Variants in RSAD1 observed in about 807,000 individuals in gnomAD.
The protein encoded by RSAD1 is radical S-adenosyl methionine domain containing 1, also known as radical S-adenosyl methionine domain-containing protein 1, mitochondrial.
A neutral mutation model predicts 46.2 loss-of-function variants in RSAD1; 34 were observed. That is an observed-to-expected ratio of 0.74 (90% CI 0.56 to 0.98). The LOEUF is 0.98. Among genes scored for constraint, RSAD1 ranks in the 50% least tolerant of loss-of-function variants. RSAD1 has a pLI of 0.00. For synonymous variants in RSAD1, 260 were observed against 253.5 expected, an observed-to-expected ratio of 1.03 and a Z score of -0.24; for missense variants, 635 against 592.3, an observed-to-expected ratio of 1.07 and a Z score of -0.75.
Position 50,482,686 on chromosome 17 carries a change from A to G in RSAD1, c.884A>G (p.Gln295Arg). Reference sequence around the variant, plus strand: ...AATTGGACTTACTGGCAGTGTGGTCAGTACCTTGGCGTTGGGCCTGGTGAG... The same window carrying G: ...AATTGGACTTACTGGCAGTGTGGTCGGTACCTTGGCGTTGGGCCTGGTGAG... ...THNWTYWQCG[Q>R]YLGVGPGAHG... The change falls in exon 5 of 9, where the codon CAG (glutamine) becomes CGG (arginine). Residue 295 changes from glutamine (Q) to arginine (R), a missense_variant. Physicochemically the swap from Gln to Arg is conservative, Grantham distance 43. Transcript: ENST00000258955. 1.9e-6 allele frequency: 3 copies of G among 1,614,228 alleles called. No individual in the cohort carries two copies. The highest frequency in any genetic ancestry group is 1.7e-6 in the Non-Finnish European group (2 of 1,180,028).
intron 6 of RSAD1, 77 bp downstream of exon 6, chr17:50,483,564 T>G (rs111642445): frequency 2.5e-6 from 4 of 1,590,530 alleles, no homozygotes; most frequent in Admixed American, 3.6e-5. Flanking sequence ...TATCTTTTAT[T>G]TCCTGTCTTG....
chr17:50,483,781 C>T (rs2033415926), intron 7 of RSAD1, 21 bp downstream of exon 7: 1 of 1,599,910 alleles, frequency 6.3e-7, no homozygotes, highest in African/African-American at 1.4e-5. Context: ...AGGATTCTTG[C>T]ACACCACTCC....
chr17:50,479,261 C>A, intron 1 of RSAD1: 1 of 497,292 alleles, frequency 2.0e-6, no homozygotes. Context: ...AATTTCATAA[C>A]AATTTTCCTC....
intron 5 of RSAD1, 151 bp from the exon 6 acceptor site, chr17:50,483,189 A>AAGAAAGAAAG: frequency 1.5e-5 from 4 of 264,316 alleles, no homozygotes; most frequent in Non-Finnish European, 1.1e-5. Flanking sequence ...AAAAAAAAAA[A>AAGAAAGAAAG]AAAGAAAGAA....
Position 50,482,086 on chromosome 17 carries a change from C to G in RSAD1, c.475-5C>G. 1 of 1,535,634 alleles carries G rather than the reference C, an allele frequency of 6.5e-7. No individual in the cohort carries two copies. Among genetic ancestry groups the G allele is most frequent in the Non-Finnish European group, 8.8e-7 (1 of 1,139,512 alleles). On this transcript the variant is annotated splice_region_variant and splice_polypyrimidine_tract_variant and intron_variant, in intron 3 of 8. Coordinates refer to ENST00000258955, the MANE Select transcript of RSAD1 (RefSeq NM_018346.3). ...GGTATGCTTACACCCACCCTCTTTT[C>G]CCAGTCCCTAGATGACACTGAGCTC...
Position 50,478,982 on chromosome 17 carries a change from C to G in RSAD1, c.98C>G (p.Pro33Arg). The change falls in exon 1 of 9, where the codon CCT becomes CGT. Residue 33 changes from proline to arginine, a missense_variant. Coordinates refer to ENST00000258955, the MANE Select transcript of RSAD1 (RefSeq NM_018346.3). The stretch of plus-strand genomic sequence containing the variant: ...GAGAACGCAGGAGGGTCCCCGAGTC[C>G]TGAGCCTGCGGGCCGGCGCGCGGCG... ...RVENAGGSPSPEPAGRRAALY... is the reference protein window; with the variant it reads ...RVENAGGSPSREPAGRRAALY... 1 of 1,393,998 alleles carries G rather than the reference C, an allele frequency of 7.2e-7. No homozygotes were observed. The highest frequency in any genetic ancestry group is 9.3e-7 in the Non-Finnish European group (1 of 1,079,924). The allele number at this position is 1,393,998 out of a possible 1,614,324, so 86.4% of individuals were successfully genotyped here.
At chr17:50,479,073 A>C in intron 1 of RSAD1, 54 bp downstream of exon 1, 1 of 1,288,228 alleles carries the variant, frequency 7.8e-7, no homozygotes, top group Non-Finnish European at 9.8e-7. Flanking sequence ...CCTGGCCGTG[A>C]CCGTGGCCGT....
At position 50,479,760 on chromosome 17, in the gene RSAD1, A is replaced by G. The variant is rs758011070; in HGVS notation, c.267A>G (p.Gln89=). ...AQTLLRLSGV[Q]RVESVFFGGG... ...CGCTGCTGCGGCTCAGCGGGGTGCA[A>G]CGGTGGGTAGTGGGGGCTGTAGGCA... Residue 89 remains glutamine (Q), a splice_region_variant and synonymous_variant, in exon 2 of 9, where the codon CAA becomes CAG. Coordinates refer to ENST00000258955, the MANE Select transcript of RSAD1 (RefSeq NM_018346.3). The G allele has an allele frequency of 5.6e-6, 9 of 1,608,182 alleles. No individual in the cohort carries two copies. In the East Asian group the frequency reaches 1.6e-4, roughly 28 times the overall value.
At position 50,482,710 on chromosome 17, in the gene RSAD1, A is replaced by T; in HGVS notation, c.904+4A>T. 7 of 1,613,530 alleles carry T rather than the reference A, an allele frequency of 4.3e-6. No individual in the cohort carries two copies. The highest frequency in any genetic ancestry group is 5.9e-6 in the Non-Finnish European group (7 of 1,179,658). ...CAGTACCTTGGCGTTGGGCCTGGTG[A>T]GTCCCGTGAACTACAGAAAGGGTGA... is the stretch of plus-strand genomic sequence containing the variant. On this transcript the variant is annotated splice_donor_region_variant and intron_variant, in intron 5 of 8. Transcript: ENST00000258955.
Position 50,480,086 on chromosome 17 carries a change from T to C in RSAD1, c.474+2T>C, listed in dbSNP as rs766461437. 3.8e-5 allele frequency: 61 copies of C among 1,613,700 alleles called. No individual in the cohort carries two copies. The highest frequency in any genetic ancestry group is 1.8e-4 in the Admixed American group (11 of 60,006). On this transcript the variant is annotated splice_donor_variant, in intron 3 of 8. Transcript: ENST00000258955. LOFTEE classifies it high-confidence loss of function. ...AACAGGTTGTCTATAGGCCTCCAGGTAACCCATGGCACTCACCCCATCCCA... is the reference window on the plus strand; with the variant it reads ...AACAGGTTGTCTATAGGCCTCCAGGCAACCCATGGCACTCACCCCATCCCA...
rs766183805 is a variant in RSAD1, at chr17:50,479,762, G to A, written c.269G>A (p.Arg90Gln). ...QTLLRLSGVQ[R>Q]VESVFFGGGT... ...CTGCTGCGGCTCAGCGGGGTGCAAC[G>A]GTGGGTAGTGGGGGCTGTAGGCAGC... The change falls in exon 2 of 9, where the codon CGG becomes CAG. Residue 90 changes from arginine (R) to glutamine (Q), a missense_variant and splice_region_variant. By Grantham distance (43) the Arg-to-Gln change is conservative. Coordinates refer to ENST00000258955, the MANE Select transcript of RSAD1 (RefSeq NM_018346.3). 39 of 1,607,064 alleles carry A rather than the reference G, an allele frequency of 2.4e-5. No homozygotes were observed. In the South Asian group the frequency reaches 4.1e-4, roughly 17 times the overall value.
intron 7 of RSAD1, 183 bp from the exon 8 acceptor site, chr17:50,484,259 G>A (rs779218077): frequency 3.5e-6 from 2 of 579,702 alleles, no homozygotes; most frequent in Non-Finnish European, 6.1e-6. Context: ...TCCAGTCTCA[G>A]TGGAATAGGA....
chr17:50,484,054 A>G (rs983059680), intron 7 of RSAD1: 18 of 488,070 alleles, frequency 3.7e-5, no homozygotes, highest in African/African-American at 3.2e-4. Flanking sequence ...TCTGTGAAGC[A>G]ATAGATAGAT....
chr17:50,482,597 T>C (rs1265104174), intron 4 of RSAD1, 46 bp from the exon 5 acceptor site: 2 of 1,613,650 alleles, frequency 1.2e-6, no homozygotes, highest in African/African-American at 1.3e-5. Flanking sequence ...AGTCTAAAAA[T>C]GAGGCCTGCC....
intron 5 of RSAD1, 85 bp downstream of exon 5, chr17:50,482,791 C>A: frequency 2.4e-6 from 3 of 1,275,600 alleles, no homozygotes; most frequent in Non-Finnish European, 2.2e-6. Context: ...CCTCTCCAAG[C>A]CTCTATTTTC....
chr17:50,483,168 A>G (rs537037237), intron 5 of RSAD1, among the ~76,000 whole-genome samples, 172 bp from the exon 6 acceptor site: 9 of 128,564 alleles, frequency 7.0e-5, no homozygotes, highest in Non-Finnish European at 1.3e-4. Context: ...GTGAGACACC[A>G]CCTCAAAAAA....
rs376491822 is a variant in RSAD1, at chr17:50,479,625, C to G, written c.136-4C>G. On this transcript the variant is annotated splice_polypyrimidine_tract_variant and splice_region_variant and intron_variant, in intron 1 of 8. Coordinates refer to ENST00000258955, the MANE Select transcript of RSAD1 (RefSeq NM_018346.3). ...CACCGCGCACGTGCACTCACTGCCCCCAGTGGCCTTACTGCGAGAAGCGCT... is the reference window on the plus strand; with the variant it reads ...CACCGCGCACGTGCACTCACTGCCCGCAGTGGCCTTACTGCGAGAAGCGCT... 3 of 1,613,538 alleles carry G rather than the reference C, an allele frequency of 1.9e-6. No individual in the cohort carries two copies. Among genetic ancestry groups the G allele is most frequent in the Non-Finnish European group, 2.5e-6 (3 of 1,179,990 alleles).
Position 50,479,709 on chromosome 17 carries a change from G to A in RSAD1, c.216G>A (p.Gln72=). 6.2e-7 allele frequency: 1 copy of A among 1,613,834 alleles called. No individual in the cohort carries two copies. Among genetic ancestry groups the A allele is most frequent in the Non-Finnish European group, 8.5e-7 (1 of 1,179,874 alleles). Residue 72 remains glutamine, a synonymous_variant, in exon 2 of 9, where the codon CAG becomes CAA. Transcript: ENST00000258955. ...IPRRLEEAAM[Q]KCLVTEAQTL... ...GCCGCCTGGAGGAGGCTGCCATGCA[G>A]AAGTGTCTGGTGACCGAAGCTCAGA...
At chr17:50,483,144 G>C (rs1190786737) in intron 5 of RSAD1, among the ~76,000 whole-genome samples, 196 bp from the exon 6 acceptor site, 1 of 131,256 alleles carries the variant, frequency 7.6e-6, no homozygotes, top group Non-Finnish European at 1.5e-5. Context: ...TCCAAGACCA[G>C]CCTGGGCAGT....
Sources: allele counts gnomAD v4.1 joint callset (sites outside exome capture counted in the v4.1 genomes callset), GRCh38; gene constraint gnomAD v4.1.1; transcripts MANE v1.5; gene names NCBI Gene and HGNC (gene_info 2026-07-23, HGNC 2026-07-21).